The following CNTNAP4 variants were observed in gnomAD, a reference collection of about 807,000 sequenced individuals.
CNTNAP4 encodes contactin-associated protein-like 4.
Under a neutral mutation model 148.4 loss-of-function variants are expected in CNTNAP4, and 98 were observed. That is an observed-to-expected ratio of 0.66 (90% confidence interval 0.56 to 0.78). The LOEUF (loss-of-function observed/expected upper bound fraction) is 0.78. Ranked by LOEUF, CNTNAP4 falls within the 30% of genes least tolerant of loss-of-function variation. The pLI, the probability that CNTNAP4 is intolerant of heterozygous loss-of-function variation, is 0.00. For missense variants in CNTNAP4, 1,935 were observed against 1,565.6 expected, an observed-to-expected ratio of 1.24 and a Z score of -3.98; for synonymous variants, 730 against 565.1, an observed-to-expected ratio of 1.29 and a Z score of -4.14.
chr16:76,522,318 AT>A, intron 17 of CNTNAP4, 61 bp downstream of exon 17: 2 of 1,338,302 alleles, frequency 1.5e-6, no homozygotes, highest in Non-Finnish European at 2.1e-6. Context: ...ATGGCCCAAG[AT>A]AAAATAATAC....
intron 2 of CNTNAP4, among the ~76,000 whole-genome samples, chr16:76,322,088 T>C (rs2144149776): frequency 6.6e-6 from 1 of 152,302 alleles, no homozygotes; most frequent in African/African-American, 2.4e-5. Context: ...CAGCAATTTA[T>C]TTGCTTCTAG....
chr16:76,460,766 A>AT (rs1371540678), intron 8 of CNTNAP4, among the ~76,000 whole-genome samples: 1,808 of 75,958 alleles, frequency 0.024, 188 homozygotes, highest in Middle Eastern at 0.053. Context: ...AAAAAAAAAA[A>AT]AAAAAAAATA....
chr16:76,479,095 G>C (rs2081705308), intron 11 of CNTNAP4, among the ~76,000 whole-genome samples: 1 of 151,924 alleles, frequency 6.6e-6, no homozygotes, highest in Non-Finnish European at 1.5e-5. Flanking sequence ...ATACTTATAA[G>C]GCTCCAACAT....
intron 3 of CNTNAP4, among the ~76,000 whole-genome samples, chr16:76,395,432 AT>A (rs1420457680): frequency 4.0e-5 from 6 of 150,888 alleles, no homozygotes; most frequent in Non-Finnish European, 5.9e-5. Context: ...CACTGGGCTA[AT>A]TTTTTGTATT....
intron 3 of CNTNAP4, among the ~76,000 whole-genome samples, chr16:76,400,014 C>T (rs975602010): frequency 2.6e-5 from 4 of 152,118 alleles, no homozygotes; most frequent in South Asian, 2.1e-4. Flanking sequence ...CTATTTTAAT[C>T]AAATGGATTT....
intron 3 of CNTNAP4, among the ~76,000 whole-genome samples, chr16:76,424,371 G>T (rs1212390559): frequency 6.6e-6 from 1 of 152,082 alleles, no homozygotes; most frequent in Non-Finnish European, 1.5e-5. Context: ...TCTGCCAGTG[G>T]CACCTAGGAA....
At chr16:76,439,283 C>A (rs1183463949) in intron 4 of CNTNAP4, among the ~76,000 whole-genome samples, 1 of 152,118 alleles carries the variant, frequency 6.6e-6, no homozygotes, top group Non-Finnish European at 1.5e-5. Flanking sequence ...ATTCATACAG[C>A]AGTAGTTGAT....
At chr16:76,360,223 T>C (rs900470529) in intron 3 of CNTNAP4, among the ~76,000 whole-genome samples, 2 of 152,198 alleles carry the variant, frequency 1.3e-5, no homozygotes, top group East Asian at 3.8e-4. Context: ...AGAGACCCTG[T>C]GGCATGGTGT....
intron 3 of CNTNAP4, among the ~76,000 whole-genome samples, chr16:76,367,789 A>C (rs1381787434): frequency 1.3e-5 from 2 of 152,182 alleles, no homozygotes; most frequent in Non-Finnish European, 2.9e-5. Context: ...TCGCCACCAC[A>C]CATCAGGAAA....
At chr16:76,475,257 G>C (rs772430477) in intron 10 of CNTNAP4, among the ~76,000 whole-genome samples, 2 of 152,232 alleles carry the variant, frequency 1.3e-5, no homozygotes, top group Non-Finnish European at 2.9e-5. Flanking sequence ...TAAAAAATCA[G>C]TTACTAAAAC....
intron 2 of CNTNAP4, among the ~76,000 whole-genome samples, chr16:76,339,145 T>C (rs1440542210): frequency 1.3e-5 from 2 of 152,042 alleles, no homozygotes; most frequent in Non-Finnish European, 2.9e-5. Context: ...ACATTCTATA[T>C]GCTTTGCTAT....
chr16:76,501,039 G>A (rs2082618774), intron 15 of CNTNAP4, among the ~76,000 whole-genome samples: 1 of 152,182 alleles, frequency 6.6e-6, no homozygotes, highest in African/African-American at 2.4e-5. Flanking sequence ...CAGAGCAGAA[G>A]TTGCTTAGTT....
At chr16:76,415,727 AC>A (rs1289001572) in intron 3 of CNTNAP4, among the ~76,000 whole-genome samples, 2 of 151,072 alleles carry the variant, frequency 1.3e-5, no homozygotes, top group Non-Finnish European at 3.0e-5. Flanking sequence ...TCACACCCTG[AC>A]CCTGGAAATA....
At chr16:76,380,894 T>C (rs1242876751) in intron 3 of CNTNAP4, among the ~76,000 whole-genome samples, 2 of 152,190 alleles carry the variant, frequency 1.3e-5, no homozygotes, top group Non-Finnish European at 1.5e-5. Context: ...AAGAAAAAAT[T>C]ATGACCTATC....
chr16:76,539,017 G>A (rs1014485693), intron 19 of CNTNAP4, among the ~76,000 whole-genome samples: 2 of 151,888 alleles, frequency 1.3e-5, no homozygotes, highest in African/African-American at 2.4e-5. Context: ...ATATCCCAAG[G>A]GTACTGTACT....
At chr16:76,558,371 T>G (rs1029147326) in intron 23 of CNTNAP4, 119 bp from the exon 24 acceptor site, 4 of 551,448 alleles carry the variant, frequency 7.3e-6, no homozygotes, top group Admixed American at 3.6e-5. Flanking sequence ...TATTTCCAAT[T>G]TATATGTAGT....
intron 11 of CNTNAP4, among the ~76,000 whole-genome samples, chr16:76,478,824 C>T (rs562016143): frequency 6.6e-6 from 1 of 152,002 alleles, no homozygotes. Flanking sequence ...CATTATGGAG[C>T]ATTGGTGGGA....
At chr16:76,500,208 CG>C (rs2082574249) in intron 15 of CNTNAP4, among the ~76,000 whole-genome samples, 1 of 151,948 alleles carries the variant, frequency 6.6e-6, no homozygotes, top group African/African-American at 2.4e-5. Context: ...CCCTCCCGGA[CG>C]GGGCGGCTGG....
Position 76,505,727 on chromosome 16 carries a change from A to G in CNTNAP4, c.2365+7033A>G, listed in dbSNP as rs1365810629. On this transcript the variant is annotated intron_variant, in intron 15 of 23. Coordinates refer to ENST00000611870, the MANE Select transcript of CNTNAP4 (RefSeq NM_033401.5). ...AACGTTAATAACAGTTTGCATAGCT[A>G]TACTTGCTTAATTTTAAGAATTGGA... Among the ~76,000 whole-genome samples, 3 of 97,636 alleles carry G rather than the reference A, an allele frequency of 3.1e-5. 1 individual carries two copies. Among genetic ancestry groups the G allele is most frequent in the South Asian group, 8.1e-4 (2 of 2,456 alleles). The allele number at this position is 97,636 out of a possible 152,430, so 64.1% of individuals were successfully genotyped here.
Sources: allele counts gnomAD v4.1 joint callset (sites outside exome capture counted in the v4.1 genomes callset), GRCh38; gene constraint gnomAD v4.1.1; transcripts MANE v1.5; gene names NCBI Gene and HGNC (gene_info 2026-07-23, HGNC 2026-07-21).